The following FXR2 variants were observed in gnomAD, a reference collection of about 807,000 sequenced individuals.
FXR2 encodes the protein RNA-binding protein FXR2.
In FXR2, 9 loss-of-function variants were observed where a neutral mutation model predicts 87.3. The ratio of observed to expected loss-of-function variants is 0.10; its 90% CI spans 0.06 to 0.18. FXR2 has a LOEUF of 0.18. Among genes scored for constraint, FXR2 ranks in the 10% least tolerant of loss-of-function variants. The pLI is 1.00. For synonymous variants in FXR2, 331 were observed against 328.3 expected (o/e 1.01, Z -0.09); for missense variants, 661 against 893.6 (o/e 0.74, Z 3.32).
At position 7,601,508 on chromosome 17, in the gene FXR2, A is replaced by G. The variant is rs762019264; in HGVS notation, c.561T>C (p.Pro187=). The G allele has an allele frequency of 1.3e-5, 21 of 1,610,482 alleles. No homozygotes were observed. Among genetic ancestry groups the G allele is most frequent in the African/African-American group, 2.7e-5 (2 of 74,832 alleles). The change falls in exon 7 of 17, where the codon CCT becomes CCC. Residue 187 remains proline, a synonymous_variant. Transcript: ENST00000250113. Reference sequence around the variant, plus strand: ...CACCCAGCAGAGATGCTCGCTTCACAGGGGCTTCTGTGGTTGACTGGGAGG... The same window carrying G: ...CACCCAGCAGAGATGCTCGCTTCACGGGGGCTTCTGTGGTTGACTGGGAGG... ...ELFILSTTEA[P]VKRASLLGDM... is the part of the protein sequence containing the mutation.
chr17:7,610,821 G>T (rs540652880), intron 1 of FXR2, among the ~76,000 whole-genome samples: 1 of 152,318 alleles, frequency 6.6e-6, no homozygotes, highest in South Asian at 2.1e-4. Flanking sequence ...AGTGGCCATA[G>T]CATCACCTGG....
Position 7,593,279 on chromosome 17 carries a change from C to T in FXR2, c.1331-98G>A, listed in dbSNP as rs558270590. 1.3e-4 allele frequency: 161 copies of T among 1,232,194 alleles called. 2 individuals are homozygous for T. In the South Asian group the frequency reaches 2.1e-3, roughly 16 times the overall value. The allele number at this position is 1,232,194 out of a possible 1,614,324, so 76.3% of individuals were successfully genotyped here. On this transcript the variant is annotated intron_variant, in intron 12 of 16. Coordinates refer to ENST00000250113, the MANE Select transcript of FXR2 (RefSeq NM_004860.4). The surrounding 1 kb of genome is among the most constrained non-coding windows in gnomAD (Gnocchi z 6.1). ...AGAATTCTCCTTCTCACTCACAAGC[C>T]TCCCAGCCAATCAATCACTTTTTCA...
chr17:7,593,028 G>A lies in FXR2; in HGVS notation c.1484C>T (p.Ala495Val), dbSNP rs1316969747. 2 of 1,576,912 alleles carry A rather than the reference G, an allele frequency of 1.3e-6. No individual in the cohort carries two copies. Among genetic ancestry groups the A allele is most frequent in the Non-Finnish European group, 1.7e-6 (2 of 1,164,396 alleles). Residue 495 changes from alanine to valine, a missense_variant, in exon 13 of 17, where the codon GCC (alanine) becomes GTC (valine). Physicochemically the swap from Ala to Val is moderately conservative, Grantham distance 64. Coordinates refer to ENST00000250113, the MANE Select transcript of FXR2 (RefSeq NM_004860.4). This position sits in a 1 kb window ranked among gnomAD's most constrained non-coding sequence, Gnocchi z 6.1. The part of the protein sequence containing the change: ...TGGRGRGPPP[A>V]PRPTSRYNSS... ...ATTGTATCTCGAAGTGGGCCGGGGG[G>A]CAGGTGGGGGTCCCCTACCCCGGCC... is the stretch of plus-strand genomic sequence containing the variant.
At chr17:7,609,799 C>T (rs1443927860) in intron 1 of FXR2, among the ~76,000 whole-genome samples, 2 of 151,212 alleles carry the variant, frequency 1.3e-5, no homozygotes, top group Admixed American at 6.6e-5. Flanking sequence ...AGGCCGAGGT[C>T]GGTAGATCAG....
intron 7 of FXR2, among the ~76,000 whole-genome samples, chr17:7,600,078 A>G (rs902684560): frequency 1.3e-5 from 2 of 151,056 alleles, no homozygotes; most frequent in Non-Finnish European, 2.9e-5. Context: ...TTGTAGTTTT[A>G]GTAGAGACGG....
intron 1 of FXR2, among the ~76,000 whole-genome samples, chr17:7,608,387 T>G (rs1323895853): frequency 6.6e-6 from 1 of 150,476 alleles, no homozygotes; most frequent in Non-Finnish European, 1.5e-5. Flanking sequence ...AGGCCATGAG[T>G]TCGAGACTAG....
chr17:7,606,561 C>A (rs1326717627), intron 1 of FXR2, among the ~76,000 whole-genome samples: 2 of 152,146 alleles, frequency 1.3e-5, no homozygotes, highest in African/African-American at 4.8e-5. Context: ...GAGGATCTGT[C>A]GAGAGAGAAG....
intron 1 of FXR2, among the ~76,000 whole-genome samples, chr17:7,607,347 A>T (rs906986261): frequency 3.3e-5 from 5 of 151,986 alleles, no homozygotes; most frequent in Non-Finnish European, 7.4e-5. Flanking sequence ...AAGAAAAAGA[A>T]ATCTTTGCCT....
chr17:7,594,921 T>G lies in FXR2; in HGVS notation c.832-164A>C, dbSNP rs535199058. On this transcript the variant is annotated intron_variant, in intron 8 of 16. Coordinates refer to ENST00000250113, the MANE Select transcript of FXR2 (RefSeq NM_004860.4). The surrounding 1 kb of genome is among the most constrained non-coding windows in gnomAD (Gnocchi z 5.1). ...CAATATGGTGAAACGCCATCTCTACTAAAAATACAAAAATCAAAATACAAA... is the reference window on the plus strand; with the variant it reads ...CAATATGGTGAAACGCCATCTCTACGAAAAATACAAAAATCAAAATACAAA... Among the ~76,000 whole-genome samples, 97 of 152,094 alleles carry G rather than the reference T, an allele frequency of 6.4e-4. No homozygotes were observed. Among genetic ancestry groups the G allele is most frequent in the Admixed American group, 2.9e-3 (44 of 15,258 alleles).
Position 7,593,139 on chromosome 17 carries a change from T to A in FXR2, c.1373A>T (p.Glu458Val). The A allele has an allele frequency of 6.4e-7, 1 of 1,553,866 alleles. No homozygotes were observed. Among genetic ancestry groups the A allele is most frequent in the Non-Finnish European group, 8.7e-7 (1 of 1,153,274 alleles). The stretch of plus-strand genomic sequence containing the variant: ...AGCTCGGTTGGGCTCCTCTCTCTTC[T>A]CTGACTCAGTCTCTGAAGCTGTAGA... ...DVSTASETES[E>V]KREEPNRAGP... is the part of the protein sequence containing the mutation. The change falls in exon 13 of 17, where the codon GAG becomes GTG. Residue 458 changes from glutamate (E) to valine (V), a missense_variant. Transcript: ENST00000250113. This position sits in a 1 kb window ranked among gnomAD's most constrained non-coding sequence, Gnocchi z 6.1.
intron 1 of FXR2, among the ~76,000 whole-genome samples, chr17:7,609,485 C>A (rs1039643344): frequency 2.0e-5 from 3 of 152,174 alleles, no homozygotes; most frequent in African/African-American, 7.2e-5. Context: ...TTCCTGGCCT[C>A]TTTTTTACCC....
At chr17:7,610,862 G>A (rs2071857936) in intron 1 of FXR2, among the ~76,000 whole-genome samples, 1 of 152,238 alleles carries the variant, frequency 6.6e-6, no homozygotes, top group Non-Finnish European at 1.5e-5. Flanking sequence ...CACCAAGCCA[G>A]CAGAGGAAGA....
In FXR2 at chr17:7,592,810, G is replaced by C. The variant is rs766368865; in HGVS notation, c.1613C>G (p.Pro538Arg). 261 of 1,613,108 alleles carry C rather than the reference G, an allele frequency of 1.6e-4. No individual in the cohort carries two copies. Among genetic ancestry groups the C allele is most frequent in the Non-Finnish European group, 2.1e-4 (247 of 1,179,562 alleles). The change falls in exon 14 of 17, where the codon CCC becomes CGC. Residue 538 changes from proline to arginine, a missense_variant. By Grantham distance (103) the Pro-to-Arg change is moderately radical. This residue lies in a region of FXR2 where 409 missense variants were observed against 432.0 expected (regional missense o/e 0.95). Transcript: ENST00000250113. The surrounding 1 kb of genome is among the most constrained non-coding windows in gnomAD (Gnocchi z 4.8). ...EPPVDSEPGEPPPASARRRRS... is the reference protein window; with the variant it reads ...EPPVDSEPGERPPASARRRRS... ...GCGGCGCCTGGCACTTGCTGGGGGG[G>C]GTTCCCCAGGTTCTGAATCAACCGG...
Position 7,593,548 on chromosome 17 carries a change from A to G in FXR2, c.1185T>C (p.Pro395=), listed in dbSNP as rs1216434896. 2 of 1,595,548 alleles carry G rather than the reference A, an allele frequency of 1.3e-6. No individual in the cohort carries two copies. The highest frequency in any genetic ancestry group is 1.7e-6 in the Non-Finnish European group (2 of 1,172,694). ...LRQIGLGFRP[P]GSGRGSGGSD... ...TGCCACCGCTGCCCCGCCCACTCCC[A>G]GGAGGGCGAAAGCCCAGCCCAATCT... The change falls in exon 12 of 17, where the codon CCT becomes CCC. Residue 395 remains proline, a synonymous_variant. Coordinates refer to ENST00000250113, the MANE Select transcript of FXR2 (RefSeq NM_004860.4). The surrounding 1 kb of genome is among the most constrained non-coding windows in gnomAD (Gnocchi z 6.1).
At chr17:7,600,612 G>A (rs531630089) in intron 7 of FXR2, among the ~76,000 whole-genome samples, 28 of 152,316 alleles carry the variant, frequency 1.8e-4, no homozygotes, top group African/African-American at 2.4e-4. Flanking sequence ...AAGGCCGGGC[G>A]CAGCGGCTCA....
Position 7,591,757 on chromosome 17 carries a change from C to T in FXR2, c.*73G>A. Reference sequence around the variant, plus strand: ...AGATAAGAGCAGCTCCAGCGCAGGTCAGTTGGGCCTGTGAGGGCCATGGTG... The same window carrying T: ...AGATAAGAGCAGCTCCAGCGCAGGTTAGTTGGGCCTGTGAGGGCCATGGTG... On this transcript the variant is annotated 3_prime_UTR_variant, in exon 17 of 17. Transcript: ENST00000250113. The surrounding 1 kb of genome is among the most constrained non-coding windows in gnomAD (Gnocchi z 4.0). 2 of 849,450 alleles carry T rather than the reference C, an allele frequency of 2.4e-6. No homozygotes were observed. Among genetic ancestry groups the T allele is most frequent in the South Asian group, 1.4e-5 (1 of 72,610 alleles). 52.6% of individuals were successfully genotyped at this position (849,450 alleles called of 1,614,324 possible). A position where few individuals can be genotyped will look rare whatever the true frequency, so the allele number is the denominator to read the frequency against.
chr17:7,597,298 A>G (rs1234951321), intron 7 of FXR2, among the ~76,000 whole-genome samples: 3 of 152,162 alleles, frequency 2.0e-5, no homozygotes, highest in African/African-American at 7.2e-5. Context: ...ATTGAAATAC[A>G]CTACTTCCCA....
intron 1 of FXR2, among the ~76,000 whole-genome samples, chr17:7,609,905 T>C (rs1262112683): frequency 7.0e-6 from 1 of 142,038 alleles, no homozygotes; most frequent in African/African-American, 2.6e-5. Context: ...TACACATACA[T>C]ATATATGTAT....
In FXR2 at chr17:7,592,589, T is replaced by C. The variant is rs992738474; in HGVS notation, c.1740A>G (p.Ser580=). ...NMTENGLEDE[S]RPQRRNRSRR... is the part of the protein sequence containing the mutation. ...GGCTGCGATTACGACGTTGAGGTCT[T>C]GATTCATCTTCTGTAGGGTAGGAAA... The change falls in exon 15 of 17, where the codon TCA becomes TCG. Residue 580 remains serine, a synonymous_variant. Coordinates refer to ENST00000250113, the MANE Select transcript of FXR2 (RefSeq NM_004860.4). This position sits in a 1 kb window ranked among gnomAD's most constrained non-coding sequence, Gnocchi z 4.8. The C allele has an allele frequency of 1.2e-6, 2 of 1,613,586 alleles. No homozygotes were observed. The highest frequency in any genetic ancestry group is 2.2e-5 in the East Asian group (1 of 44,880).
Sources: gnomAD v4.1 joint callset for allele counts (sites outside exome capture counted in the v4.1 genomes callset) on GRCh38, gnomAD v4.1.1 for gene constraint, gnomAD v4.1.1 regional missense constraint, Gnocchi (gnomAD v3.1) non-coding constraint, MANE v1.5 for transcripts, NCBI Gene and HGNC (gene_info 2026-07-23, HGNC 2026-07-21) for gene names.